FHOD1: variants seen among roughly 807,000 people sequenced by gnomAD.
The protein encoded by FHOD1 is formin homology 2 domain containing 1, also known as FH1/FH2 domain-containing protein 1.
Under a neutral mutation model 111.6 loss-of-function variants are expected in FHOD1, and 89 were observed. The observed-to-expected ratio is 0.80, with a 90% CI of 0.67 to 0.95. The LOEUF is 0.95. Among genes scored for constraint, FHOD1 ranks in the 40% least tolerant of loss-of-function variants. FHOD1 has a pLI of 0.00. For synonymous variants in FHOD1, 618 were observed against 639.0 expected (o/e 0.97, Z 0.50); for missense variants, 1,446 against 1,554.2 (o/e 0.93, Z 1.17).
chr16:67,230,833 T>C lies in FHOD1; in HGVS notation c.2668-42A>G, dbSNP rs183151381. On this transcript the variant is annotated intron_variant, in intron 17 of 21. Transcript: ENST00000258201. The stretch of plus-strand genomic sequence containing the variant: ...GTGCACATACTGTCCCCCCACACCC[T>C]GTAGACAAGACATGGCCCGAGGCTG... 4.3e-4 allele frequency: 662 copies of C among 1,535,502 alleles called. 4 individuals carry two copies. In the African/African-American group the frequency reaches 8.3e-3, roughly 19 times the overall value.
chr16:67,244,929 A>G (rs1253249110), intron 1 of FHOD1, among the ~76,000 whole-genome samples: 2 of 152,188 alleles, frequency 1.3e-5, no homozygotes, highest in East Asian at 1.9e-4. Flanking sequence ...GCACCCACTT[A>G]TAGGACTACG....
chr16:67,247,326 A>G lies in FHOD1; in HGVS notation c.85T>C (p.Phe29Leu). 2 of 1,613,650 alleles carry G rather than the reference A, an allele frequency of 1.2e-6. No individual in the cohort carries two copies. Among genetic ancestry groups the G allele is most frequent in the South Asian group, 2.2e-5 (2 of 91,086 alleles). The stretch of plus-strand genomic sequence containing the variant: ...GGCTCCGGAAAGTTGGCACATGCGA[A>G]GGGGTCGGTGTCTTCCAGGTACTGC... ...RVQYLEDTDP[F>L]ACANFPEPRR... The change falls in exon 1 of 22, where the codon TTC becomes CTC. Residue 29 changes from phenylalanine to leucine, a missense_variant. By Grantham distance (22) the Phe-to-Leu change is conservative. Coordinates refer to ENST00000258201, the MANE Select transcript of FHOD1 (RefSeq NM_013241.3).
In FHOD1 at chr16:67,233,869, G is replaced by A; in HGVS notation, c.1834C>T (p.His612Tyr). Residue 612 changes from histidine (H) to tyrosine (Y), a missense_variant, in exon 13 of 22, where the codon CAT becomes TAT. By Grantham distance (83) the His-to-Tyr change is moderately conservative. This residue lies in a region of FHOD1 where 1,085 missense variants were observed against 1,108.8 expected (regional missense o/e 0.98). Transcript: ENST00000258201. ...PPLPLAAPLPHSVPDSSALPT... is the reference protein window; with the variant it reads ...PPLPLAAPLPYSVPDSSALPT... The stretch of plus-strand genomic sequence containing the variant: ...AGGGCTGAGCTGTCAGGCACTGAAT[G>A]GGGAAGAGGGGCAGCCAGAGGTAGA... 6.2e-7 allele frequency: 1 copy of A among 1,607,436 alleles called. No individual in the cohort carries two copies. The highest frequency in any genetic ancestry group is 8.5e-7 in the Non-Finnish European group (1 of 1,177,004).
rs773788569 is a variant in FHOD1, at chr16:67,232,137, C to T, written c.2104G>A (p.Ala702Thr). Residue 702 changes from alanine to threonine, a missense_variant, in exon 14 of 22, where the codon GCC becomes ACC. By Grantham distance (58) the Ala-to-Thr change is moderately conservative. Coordinates refer to ENST00000258201, the MANE Select transcript of FHOD1 (RefSeq NM_013241.3). ...TTVLDPKRSNAINIGLTTLPP... is the reference protein window; with the variant it reads ...TTVLDPKRSNTINIGLTTLPP... ...AGTGTGGTTAGGCCGATGTTGATGG[C>T]GTTGCTGCGCTTGGGGTCCAGCACT... 9 of 1,614,040 alleles carry T rather than the reference C, an allele frequency of 5.6e-6. No individual in the cohort carries two copies. Among genetic ancestry groups the T allele is most frequent in the South Asian group, 3.3e-5 (3 of 91,092 alleles).
rs937031607 is a variant in FHOD1, at chr16:67,231,392, A to C, written c.2505+38T>G. On this transcript the variant is annotated intron_variant, in intron 16 of 21. Coordinates refer to ENST00000258201, the MANE Select transcript of FHOD1 (RefSeq NM_013241.3). The surrounding 1 kb of genome is among the most constrained non-coding windows in gnomAD (Gnocchi z 4.3). ...GAGCCTGGGCCTGGTTGGCTCCAGA[A>C]CCCTGACTCCCCCTAGTCCCCATGT... The C allele has an allele frequency of 1.9e-6, 3 of 1,613,742 alleles. No homozygotes were observed. Among genetic ancestry groups the C allele is most frequent in the Middle Eastern group, 3.3e-4 (2 of 6,062 alleles).
In FHOD1 at chr16:67,247,240, C is replaced by T. The variant is rs377443760; in HGVS notation, c.171G>A (p.Ala57=). 1 of 1,603,974 alleles carries T rather than the reference C, an allele frequency of 6.2e-7. No individual in the cohort carries two copies. The highest frequency in any genetic ancestry group is 8.5e-7 in the Non-Finnish European group (1 of 1,176,244). The change falls in exon 1 of 22, where the codon GCG becomes GCA. Residue 57 remains alanine, a synonymous_variant. Transcript: ENST00000258201. ...GCGGCGCTCCCAGCAGGCGGTGCAC[C>T]GCGGGTATCTGCGCGCCCAAGGGCA... is the stretch of plus-strand genomic sequence containing the variant. ...GALPLGAQIP[A]VHRLLGAPLK...
intron 10 of FHOD1, 44 bp downstream of exon 10, chr16:67,236,922 C>T (rs2034503935): frequency 5.2e-6 from 8 of 1,535,932 alleles, no homozygotes; most frequent in Non-Finnish European, 7.0e-6. Context: ...CTGGGCCATG[C>T]CTAGTAGATC....
rs1443662282 is a variant in FHOD1, at chr16:67,233,837, A to T, written c.1866T>A (p.Thr622=). Residue 622 remains threonine, a synonymous_variant, in exon 13 of 22, where the codon ACT becomes ACA. Coordinates refer to ENST00000258201, the MANE Select transcript of FHOD1 (RefSeq NM_013241.3). ...AGAAAAGTTTTACTGTCTTCCTCTT[A>T]GTGGGGAGGGCTGAGCTGTCAGGCA... The part of the protein sequence containing the change: ...HSVPDSSALP[T]KRKTVKLFWR... 1 of 1,590,328 alleles carries T rather than the reference A, an allele frequency of 6.3e-7. No individual in the cohort carries two copies. The highest frequency in any genetic ancestry group is 1.7e-5 in the Admixed American group (1 of 58,672).
At position 67,230,500 on chromosome 16, in the gene FHOD1, A is replaced by G. The variant is rs200564211; in HGVS notation, c.2865T>C (p.His955=). Residue 955 remains histidine (H), a synonymous_variant, in exon 19 of 22, where the codon CAT becomes CAC. Transcript: ENST00000258201. ...IVHRRVCNRF[H]AFLLYLGYTP... ...TGTAGCCCAGGTAGAGCAGGAAGGC[A>G]TGGAACCTAGGCAGGTCAGAGTAGG... 422 of 1,614,226 alleles carry G rather than the reference A, an allele frequency of 2.6e-4. No individual in the cohort carries two copies. The highest frequency in any genetic ancestry group is 3.3e-4 in the Non-Finnish European group (388 of 1,180,028).
Position 67,229,925 on chromosome 16 carries a change from G to A in FHOD1, c.3280C>T (p.Pro1094Ser), listed in dbSNP as rs202229073. The stretch of plus-strand genomic sequence containing the variant: ...TCACTGGGTAAACTGGAGCCTGGGG[G>A]TTCTTCTGGGGATGCAGTGGAGGGC... The part of the protein sequence containing the change: ...VGPSTASPEE[P>S]PGSSLPSDTS... Residue 1094 changes from proline (P) to serine (S), a missense_variant, in exon 21 of 22, where the codon CCC (proline) becomes TCC (serine). Physicochemically the swap from Pro to Ser is moderately conservative, Grantham distance 74. Around this residue, in one of 3 missense-constraint regions of FHOD1, gnomAD observed 1,085 missense variants for 1,108.8 expected, o/e 0.98. Coordinates refer to ENST00000258201, the MANE Select transcript of FHOD1 (RefSeq NM_013241.3). 2.5e-6 allele frequency: 4 copies of A among 1,614,238 alleles called. No individual in the cohort carries two copies. The highest frequency in any genetic ancestry group is 1.6e-4 in the Middle Eastern group (1 of 6,062).
At chr16:67,233,012 C>T (rs918654416) in intron 13 of FHOD1, among the ~76,000 whole-genome samples, 26 of 152,144 alleles carry the variant, frequency 1.7e-4, no homozygotes, top group African/African-American at 5.8e-4. Context: ...CTGCCTTGGC[C>T]TCCCAAAGTG....
Position 67,230,008 on chromosome 16 carries a change from G to C in FHOD1, c.3215-18C>G. The C allele has an allele frequency of 6.2e-7, 1 of 1,613,304 alleles. No individual in the cohort carries two copies. The highest frequency in any genetic ancestry group is 8.5e-7 in the Non-Finnish European group (1 of 1,179,286). On this transcript the variant is annotated intron_variant, in intron 20 of 21. Coordinates refer to ENST00000258201, the MANE Select transcript of FHOD1 (RefSeq NM_013241.3). ...GACCATGCCTGAGGAAGGCCAGATA[G>C]CAAAGTCAGGCCAAGGTGGCACTGG...
rs780297166 is a variant in FHOD1, at chr16:67,236,739, A to G, written c.1143-6T>C. The stretch of plus-strand genomic sequence containing the variant: ...GTGAGGCGGGGCCTGTGGGGCTGAA[A>G]GCAGGGGCTGTCAGTGGGGCGGGGC... On this transcript the variant is annotated splice_region_variant and splice_polypyrimidine_tract_variant and intron_variant, in intron 10 of 21. Transcript: ENST00000258201. 2 of 1,368,738 alleles carry G rather than the reference A, an allele frequency of 1.5e-6. No individual in the cohort carries two copies. The highest frequency in any genetic ancestry group is 1.9e-6 in the Non-Finnish European group (2 of 1,046,426). The allele number at this position is 1,368,738 out of a possible 1,614,324, so 84.8% of individuals were successfully genotyped here.
At chr16:67,230,838 A>T (rs1336441937) in intron 17 of FHOD1, 47 bp from the exon 18 acceptor site, 5 of 1,530,346 alleles carry the variant, frequency 3.3e-6, no homozygotes, top group Non-Finnish European at 4.4e-6. Context: ...CACCCTGTAG[A>T]CAAGACATGG....
chr16:67,234,858 C>T (rs554181222), intron 11 of FHOD1: 61 of 170,512 alleles, frequency 3.6e-4, no homozygotes, highest in African/African-American at 1.4e-3. Context: ...CAGCCTCACT[C>T]TCCTGGGCTT....
In FHOD1 at chr16:67,230,270, C is replaced by A. The variant is rs764063407; in HGVS notation, c.3052-42G>T. ...GGTGAGCTGGGAGGAGCGAAGGAAA[C>A]CAAGGAGGTGGCAGTCAAGACTAAG... is the stretch of plus-strand genomic sequence containing the variant. On this transcript the variant is annotated intron_variant, in intron 19 of 21. Transcript: ENST00000258201. 17 of 1,613,328 alleles carry A rather than the reference C, an allele frequency of 1.1e-5. No individual in the cohort carries two copies. The African/African-American group carries it at 2.0e-4, about 19-fold the overall frequency.
At chr16:67,242,200 C>G (rs935817806) in intron 1 of FHOD1, among the ~76,000 whole-genome samples, 3 of 152,164 alleles carry the variant, frequency 2.0e-5, no homozygotes, top group African/African-American at 7.2e-5. Context: ...AACTCCTGAC[C>G]TCAAGTGATC....
In FHOD1 at chr16:67,230,454, C is replaced by G. The variant is rs781283797; in HGVS notation, c.2911G>C (p.Val971Leu). 6.2e-7 allele frequency: 1 copy of G among 1,614,256 alleles called. No homozygotes were observed. Among genetic ancestry groups the G allele is most frequent in the South Asian group, 1.1e-5 (1 of 91,090 alleles). The change falls in exon 19 of 22, where the codon GTG (valine) becomes CTG (leucine). Residue 971 changes from valine (V) to leucine (L), a missense_variant. This residue lies in a region of FHOD1 where 1,085 missense variants were observed against 1,108.8 expected (regional missense o/e 0.98). Coordinates refer to ENST00000258201, the MANE Select transcript of FHOD1 (RefSeq NM_013241.3). ...LGYTPQAARE[V>L]RIMQFCHTLR... Reference sequence around the variant, plus strand: ...GTGTGGCAGAACTGCATGATGCGCACTTCACGGGCCGCCTGCGGGGTGTAG... The same window carrying G: ...GTGTGGCAGAACTGCATGATGCGCAGTTCACGGGCCGCCTGCGGGGTGTAG...
At position 67,231,003 on chromosome 16, in the gene FHOD1, C is replaced by G; in HGVS notation, c.2667+185G>C. 1 of 874,182 alleles carries G rather than the reference C, an allele frequency of 1.1e-6. No individual in the cohort carries two copies. Among genetic ancestry groups the G allele is most frequent in the Non-Finnish European group, 1.7e-6 (1 of 581,066 alleles). The allele number at this position is 874,182 out of a possible 1,614,324, so 54.2% of individuals were successfully genotyped here. ...AGTGGCAGTTAAACAGACCCAAAGACTGAGTAGGTGTGGCCAGGCCAATAG... is the reference window on the plus strand; with the variant it reads ...AGTGGCAGTTAAACAGACCCAAAGAGTGAGTAGGTGTGGCCAGGCCAATAG... On this transcript the variant is annotated intron_variant, in intron 17 of 21. Coordinates refer to ENST00000258201, the MANE Select transcript of FHOD1 (RefSeq NM_013241.3). The surrounding 1 kb of genome is among the most constrained non-coding windows in gnomAD (Gnocchi z 4.3).
Sources: allele counts gnomAD v4.1 joint callset (sites outside exome capture counted in the v4.1 genomes callset), GRCh38; gene constraint gnomAD v4.1.1; regional missense constraint gnomAD v4.1.1; non-coding constraint Gnocchi (gnomAD v3.1); transcripts MANE v1.5; gene names NCBI Gene and HGNC (gene_info 2026-07-23, HGNC 2026-07-21).